ILRUN: variants seen among roughly 807,000 people sequenced by gnomAD.
ILRUN encodes the protein protein ILRUN.
Under a neutral mutation model 33.8 loss-of-function variants are expected in ILRUN, and 3 were observed. The observed-to-expected ratio is 0.09, with a 90% CI of 0.04 to 0.23. ILRUN has a LOEUF of 0.23. Ranked by LOEUF, ILRUN falls within the 10% of genes least tolerant of loss-of-function variation. The probability of loss-of-function intolerance (pLI) is 1.00; values close to 1 mark genes in which losing one functional copy is unlikely to be tolerated. For synonymous variants in ILRUN, 124 were observed against 138.9 expected, an observed-to-expected ratio of 0.89 and a Z score of 0.75; for missense variants, 210 against 375.1, an observed-to-expected ratio of 0.56 and a Z score of 3.64.
chr6:34,592,290 A>C lies in ILRUN; in HGVS notation c.862-1690T>G, dbSNP rs141868428. 6.6e-6 allele frequency among the ~76,000 whole-genome samples: 1 copy of C among 152,380 alleles called. No homozygotes were observed. The highest frequency in any genetic ancestry group is 2.1e-4 in the South Asian group (1 of 4,832). ...CTCACAAAGATCCAAGGAGACAAGC[A>C]TGGTCTCCAAGCTCAGACAGGTGAG... On this transcript the variant is annotated intron_variant, in intron 4 of 4. Coordinates refer to ENST00000374023, the MANE Select transcript of ILRUN (RefSeq NM_024294.4). The surrounding 1 kb of genome is among the most constrained non-coding windows in gnomAD (Gnocchi z 4.0).
At chr6:34,618,623 C>G (rs1291010748) in intron 3 of ILRUN, among the ~76,000 whole-genome samples, 1 of 152,218 alleles carries the variant, frequency 6.6e-6, no homozygotes, top group Non-Finnish European at 1.5e-5. Flanking sequence ...CTCACTGCAT[C>G]ACGTCAATAA....
intron 3 of ILRUN, chr6:34,616,792 T>TA (rs1761900888): frequency 1.5e-6 from 1 of 688,040 alleles, no homozygotes; most frequent in African/African-American, 1.8e-5. Flanking sequence ...CATTTATCAT[T>TA]AGGATCAGAG....
chr6:34,601,119 G>A (rs1279919057), intron 4 of ILRUN, among the ~76,000 whole-genome samples: 2 of 152,184 alleles, frequency 1.3e-5, no homozygotes. Flanking sequence ...AGGCTGGGAA[G>A]CAGGGAGGTG....
chr6:34,694,908 G>A (rs566376374), intron 1 of ILRUN, among the ~76,000 whole-genome samples: 1 of 152,134 alleles, frequency 6.6e-6, no homozygotes, highest in East Asian at 1.9e-4. Flanking sequence ...AAAATTAGCC[G>A]GGCGAGGTGG....
chr6:34,640,231 C>G (rs940047880), intron 3 of ILRUN, among the ~76,000 whole-genome samples: 3 of 151,464 alleles, frequency 2.0e-5, no homozygotes, highest in Non-Finnish European at 2.9e-5. Flanking sequence ...TGTAATATGC[C>G]CCACACAGTG....
intron 3 of ILRUN, among the ~76,000 whole-genome samples, chr6:34,610,064 G>A (rs1761716758): frequency 6.6e-6 from 1 of 151,912 alleles, no homozygotes; most frequent in African/African-American, 2.4e-5. Context: ...GAGAGGCTGA[G>A]GCAGGAGAAT....
intron 4 of ILRUN, among the ~76,000 whole-genome samples, chr6:34,605,667 T>C (rs1761614449): frequency 6.6e-6 from 1 of 152,062 alleles, no homozygotes; most frequent in African/African-American, 2.4e-5. Context: ...AAACTACTGG[T>C]CAGAAAAATA....
intron 2 of ILRUN, among the ~76,000 whole-genome samples, chr6:34,652,787 C>T (rs546206314): frequency 2.4e-4 from 37 of 152,152 alleles, no homozygotes; most frequent in Middle Eastern, 3.4e-3. Flanking sequence ...AAAACACCTT[C>T]GACCAGTCAA....
At chr6:34,696,301 C>T in intron 1 of ILRUN, 145 bp downstream of exon 1, 1 of 836,542 alleles carries the variant, frequency 1.2e-6, no homozygotes, top group Non-Finnish European at 1.8e-6. Context: ...GCCCACGGGG[C>T]TCCCCGACTC....
chr6:34,675,811 T>C (rs904925747), intron 1 of ILRUN, among the ~76,000 whole-genome samples: 1 of 151,996 alleles, frequency 6.6e-6, no homozygotes. Flanking sequence ...ACACAAGTTA[T>C]AGAAAAATAC....
In ILRUN at chr6:34,590,089, C is replaced by T. The variant is rs1761266472; in HGVS notation, c.*476G>A. On this transcript the variant is annotated 3_prime_UTR_variant, in exon 5 of 5. Transcript: ENST00000374023. The stretch of plus-strand genomic sequence containing the variant: ...TCAAACATGCCACGCCAACTTTTCA[C>T]CTGAATCTCTTCCAGAACAAGCACT... 1 of 158,440 alleles carries T rather than the reference C, an allele frequency of 6.3e-6. No individual in the cohort carries two copies. The highest frequency in any genetic ancestry group is 2.4e-5 in the African/African-American group (1 of 41,532). 9.8% of individuals were successfully genotyped at this position (158,440 alleles called of 1,614,324 possible). A position where few individuals can be genotyped will look rare whatever the true frequency, so the allele number is the denominator to read the frequency against.
At chr6:34,623,567 C>T (rs752332293) in intron 3 of ILRUN, among the ~76,000 whole-genome samples, 2 of 151,958 alleles carry the variant, frequency 1.3e-5, no homozygotes, top group African/African-American at 2.4e-5. Flanking sequence ...CACAAAAAAA[C>T]GTAATATAGC....
At chr6:34,632,197 T>C (rs1762262195) in intron 3 of ILRUN, among the ~76,000 whole-genome samples, 1 of 152,186 alleles carries the variant, frequency 6.6e-6, no homozygotes. Context: ...TCCCAGCACT[T>C]TGGAAGGCTG....
At chr6:34,614,529 C>A (rs1213811011) in intron 3 of ILRUN, among the ~76,000 whole-genome samples, 1 of 142,176 alleles carries the variant, frequency 7.0e-6, no homozygotes, top group Non-Finnish European at 1.5e-5. Context: ...ATTCATGGAT[C>A]CACAGTGCTA....
At chr6:34,648,148 T>C (rs1277853278) in intron 2 of ILRUN, among the ~76,000 whole-genome samples, 1 of 152,234 alleles carries the variant, frequency 6.6e-6, no homozygotes. Context: ...CAGCAATTGA[T>C]ATACTCCTTT....
chr6:34,690,788 A>AGTTTT (rs59136961), intron 1 of ILRUN, among the ~76,000 whole-genome samples: 124,618 of 151,668 alleles, frequency 0.82, 51,511 homozygotes, highest in East Asian at 0.99. Flanking sequence ...AGGAAGGTTT[A>AGTTTT]AACATAATTC....
intron 1 of ILRUN, among the ~76,000 whole-genome samples, chr6:34,666,855 C>T (rs187646555): frequency 1.2e-4 from 18 of 152,308 alleles, no homozygotes; most frequent in African/African-American, 3.4e-4. Context: ...ATGTTCTGGG[C>T]AACCAACTCT....
At position 34,593,426 on chromosome 6, in the gene ILRUN, T is replaced by C. The variant is rs1166149099; in HGVS notation, c.862-2826A>G. On this transcript the variant is annotated intron_variant, in intron 4 of 4. Transcript: ENST00000374023. Reference sequence around the variant, plus strand: ...TTATGACTTTGTCAAAAAGCTGTTGTATATTCCCACTTAACGGATAAATAA... The same window carrying C: ...TTATGACTTTGTCAAAAAGCTGTTGCATATTCCCACTTAACGGATAAATAA... Among the ~76,000 whole-genome samples the C allele has an allele frequency of 8.5e-5, 13 of 152,348 alleles. No homozygotes were observed. The South Asian group carries it at 2.5e-3, about 29-fold the overall frequency.
rs1444823256 is a variant in ILRUN at position 34,683,399 on chromosome 6, CATATATACATATATATATACAT to C, written c.158+13025_158+13046del. ...TAGAAAATTCTGTTATATATATGCA[CATATATACATATATATATACAT>C]ATATATACATATATATATACATATA... On this transcript the variant is annotated intron_variant, in intron 1 of 4. Coordinates refer to ENST00000374023, the MANE Select transcript of ILRUN (RefSeq NM_024294.4). 3.9e-4 allele frequency among the ~76,000 whole-genome samples: 43 copies of C among 111,158 alleles called. No individual in the cohort carries two copies. The East Asian group carries it at 4.3e-3, about 11-fold the overall frequency. The allele number at this position is 111,158 out of a possible 152,430, so 72.9% of individuals were successfully genotyped here.
Sources: gnomAD v4.1 joint callset for allele counts (sites outside exome capture counted in the v4.1 genomes callset) on GRCh38, gnomAD v4.1.1 for gene constraint, Gnocchi (gnomAD v3.1) non-coding constraint, MANE v1.5 for transcripts, NCBI Gene and HGNC (gene_info 2026-07-23, HGNC 2026-07-21) for gene names.